The following COL1A2 variants were observed in gnomAD, a reference collection of about 807,000 sequenced individuals.
COL1A2 encodes the protein collagen type I alpha 2 chain.
Under a neutral mutation model 174.3 loss-of-function variants are expected in COL1A2, and 49 were observed. The observed-to-expected ratio is 0.28, with a 90% confidence interval of 0.22 to 0.36. The LOEUF is 0.36. COL1A2 is among the 10% of genes least tolerant of loss of function. The pLI is 1.00. For missense variants in COL1A2, 1,438 were observed against 1,822.7 expected, an observed-to-expected ratio of 0.79 and a Z score of 3.84; for synonymous variants, 655 against 606.6, an observed-to-expected ratio of 1.08 and a Z score of -1.17.
At chr7:94,406,214 A>G in intron 11 of COL1A2, 36 bp from the exon 12 acceptor site, 2 of 1,606,526 alleles carry the variant, frequency 1.2e-6, no homozygotes, top group Non-Finnish European at 1.7e-6. Context: ...AAACACTATC[A>G]TGGAACAGCA....
At chr7:94,407,087 C>T (rs1203978111) in intron 12 of COL1A2, among the ~76,000 whole-genome samples, 8 of 152,128 alleles carry the variant, frequency 5.3e-5, no homozygotes, top group East Asian at 1.9e-4. Flanking sequence ...GAGACCCCCT[C>T]ATTTTGCAGA....
intron 12 of COL1A2, among the ~76,000 whole-genome samples, chr7:94,406,596 G>C (rs1375777937): frequency 6.6e-6 from 1 of 151,940 alleles, no homozygotes; most frequent in Non-Finnish European, 1.5e-5. Context: ...TATCTCTGCA[G>C]CCAAAATAAA....
Position 94,398,415 on chromosome 7 carries a change from TC to T in COL1A2, c.96+21del. ...AAGAAAGGTAAGAGTACACTACTTC[TC>T]CATAAATATCTAAAATTATCAGGGA... On this transcript the variant is annotated intron_variant, in intron 3 of 51. Transcript: ENST00000297268. 1.1e-6 allele frequency: 1 copy of T among 916,226 alleles called. No homozygotes were observed. The highest frequency in any genetic ancestry group is 1.7e-5 in the South Asian group (1 of 58,846). The allele number at this position is 916,226 out of a possible 1,614,324, so 56.8% of individuals were successfully genotyped here. A position where few individuals can be genotyped will look rare whatever the true frequency, so the allele number is the denominator to read the frequency against.
At chr7:94,407,009 G>A (rs1791815120) in intron 12 of COL1A2, among the ~76,000 whole-genome samples, 2 of 152,092 alleles carry the variant, frequency 1.3e-5, no homozygotes, top group African/African-American at 4.8e-5. Flanking sequence ...ATTCTCCCAA[G>A]AGCCCGATAT....
In COL1A2 at chr7:94,426,166, T is replaced by G. The variant is rs921535867; in HGVS notation, c.2997+115T>G. 3 of 1,051,388 alleles carry G rather than the reference T, an allele frequency of 2.9e-6. No individual in the cohort carries two copies. In the African/African-American group the frequency reaches 4.7e-5, roughly 17 times the overall value. 65.1% of individuals were successfully genotyped at this position (1,051,388 alleles called of 1,614,324 possible). ...CTAGACTTAATATTTTTTAAAAATT[T>G]CAGTCCATGCTGAGAATTGATACAA... On this transcript the variant is annotated intron_variant, in intron 45 of 51. Coordinates refer to ENST00000297268, the MANE Select transcript of COL1A2 (RefSeq NM_000089.4).
In COL1A2 at chr7:94,416,414, G is replaced by T. The variant is rs72658141; in HGVS notation, c.1774G>T (p.Gly592Cys). Residue 592 changes from glycine to cysteine, a missense_variant, in exon 31 of 52, where the codon GGT (glycine) becomes TGT (cysteine). This residue lies in a region of COL1A2 where 867 missense variants were observed against 1,213.7 expected (regional missense o/e 0.71). Transcript: ENST00000297268. ...TAATCACTTTTTTCAGGGGGAACGC[G>T]GTCCCCCAGGTGAGAGTGGTGCTGC... is the stretch of plus-strand genomic sequence containing the variant. ...PGPAGPRGER[G>C]PPGESGAAGP... 1.3e-6 allele frequency: 2 copies of T among 1,575,680 alleles called. No individual in the cohort carries two copies. The highest frequency in any genetic ancestry group is 1.8e-5 in the Admixed American group (1 of 55,098).
intron 6 of COL1A2, among the ~76,000 whole-genome samples, chr7:94,404,221 A>G (rs1301443762): frequency 6.6e-6 from 1 of 152,234 alleles, no homozygotes; most frequent in East Asian, 1.9e-4. Flanking sequence ...CATCTGCTGT[A>G]TAGAAGACAA....
chr7:94,405,183 A>G lies in COL1A2; in HGVS notation c.433-16A>G, dbSNP rs964597288. The G allele has an allele frequency of 3.1e-6, 5 of 1,613,604 alleles. No individual in the cohort carries two copies. Among genetic ancestry groups the G allele is most frequent in the Admixed American group, 3.3e-5 (2 of 59,964 alleles). ...TTACCAAGAAGAAGTTGACTCTACA[A>G]TGTTTTCATGTTTAGGGTCACCCTG... On this transcript the variant is annotated splice_polypyrimidine_tract_variant and intron_variant, in intron 9 of 51. Coordinates refer to ENST00000297268, the MANE Select transcript of COL1A2 (RefSeq NM_000089.4).
chr7:94,408,790 C>A lies in COL1A2; in HGVS notation c.759C>A (p.Gly253=). Residue 253 remains glycine (G), a synonymous_variant, in exon 16 of 52, where the codon GGC becomes GGA. Transcript: ENST00000297268. ...VGPAGPIGSA[G]PPGFPGAPGP... is the part of the protein sequence containing the mutation. Reference sequence around the variant, plus strand: ...TTCAGGGTCCCATTGGGTCTGCTGGCCCTCCAGGCTTCCCAGGTGCCCCTG... The same window carrying A: ...TTCAGGGTCCCATTGGGTCTGCTGGACCTCCAGGCTTCCCAGGTGCCCCTG... 6.2e-7 allele frequency: 1 copy of A among 1,613,264 alleles called. No individual in the cohort carries two copies. Among genetic ancestry groups the A allele is most frequent in the Non-Finnish European group, 8.5e-7 (1 of 1,179,660 alleles).
At chr7:94,406,919 A>G (rs917750198) in intron 12 of COL1A2, among the ~76,000 whole-genome samples, 1 of 152,236 alleles carries the variant, frequency 6.6e-6, no homozygotes, top group African/African-American at 2.4e-5. Flanking sequence ...AACGAATACT[A>G]GCGGGACCAG....
intron 4 of COL1A2, among the ~76,000 whole-genome samples, chr7:94,399,609 T>C (rs974850241): frequency 6.6e-6 from 1 of 152,232 alleles, no homozygotes; most frequent in African/African-American, 2.4e-5. Context: ...CTTTTGCCAA[T>C]ATATGAATAC....
Position 94,413,126 on chromosome 7 carries a change from C to G in COL1A2, c.1547C>G (p.Ala516Gly). 6.2e-7 allele frequency: 1 copy of G among 1,614,146 alleles called. No individual in the cohort carries two copies. ...KNGDKGHAGLAGARGAPGPDG... is the reference protein window; with the variant it reads ...KNGDKGHAGLGGARGAPGPDG... ...GGTGATAAAGGTCATGCTGGTCTTG[C>G]TGGTGCTCGGGTAGGTGCTAACTTG... The change falls in exon 26 of 52, where the codon GCT (alanine) becomes GGT (glycine). Residue 516 changes from alanine to glycine, a missense_variant. Transcript: ENST00000297268.
At position 94,412,053 on chromosome 7, in the gene COL1A2, TC is replaced by T. The variant is rs1175142147; in HGVS notation, c.1351-14del. 6.2e-7 allele frequency: 1 copy of T among 1,605,978 alleles called. No homozygotes were observed. Among genetic ancestry groups the T allele is most frequent in the Non-Finnish European group, 8.5e-7 (1 of 1,174,294 alleles). On this transcript the variant is annotated splice_polypyrimidine_tract_variant and intron_variant, in intron 23 of 51. Transcript: ENST00000297268. ...TTAAAGTGCCAATATAAAAACATCC[TC>T]ATTTATTTTATAGGGTCTTCCTGGT...
At chr7:94,397,168 A>G (rs1791600635) in intron 1 of COL1A2, among the ~76,000 whole-genome samples, 1 of 152,194 alleles carries the variant, frequency 6.6e-6, no homozygotes, top group Admixed American at 6.5e-5. Context: ...ATAGTTAATA[A>G]TGTGCAAATT....
rs1369981302 is a variant in COL1A2, at chr7:94,404,903, A to T, written c.432+11A>T. ...AAGGCTGGTGAAGATGTAAGTATTTACTCTTAAGCACTTTCAAAATGCTAT... is the reference window on the plus strand; with the variant it reads ...AAGGCTGGTGAAGATGTAAGTATTTTCTCTTAAGCACTTTCAAAATGCTAT... On this transcript the variant is annotated intron_variant, in intron 9 of 51. Coordinates refer to ENST00000297268, the MANE Select transcript of COL1A2 (RefSeq NM_000089.4). 2.5e-6 allele frequency: 4 copies of T among 1,613,456 alleles called. No homozygotes were observed. The highest frequency in any genetic ancestry group is 4.5e-5 in the East Asian group (2 of 44,888).
At chr7:94,405,821 T>C in intron 11 of COL1A2, 95 bp downstream of exon 11, 1 of 1,007,122 alleles carries the variant, frequency 9.9e-7, no homozygotes, top group South Asian at 1.3e-5. Context: ...TATACTCACT[T>C]TCAAATCCCT....
rs1300787252 is a variant in COL1A2 at position 94,424,395 on chromosome 7, C to G, written c.2625C>G (p.Leu875=). ...TTGGTGCTCCTGGTATTCTGGGTCT[C>G]CCTGGCTCGAGAGGTGAACGTGGTC... ...GLLGAPGILG[L]PGSRGERGLP... Residue 875 remains leucine (L), a synonymous_variant, in exon 41 of 52, where the codon CTC becomes CTG. Coordinates refer to ENST00000297268, the MANE Select transcript of COL1A2 (RefSeq NM_000089.4). The G allele has an allele frequency of 1.9e-6, 3 of 1,614,084 alleles. No homozygotes were observed. Among genetic ancestry groups the G allele is most frequent in the Non-Finnish European group, 1.7e-6 (2 of 1,179,992 alleles).
chr7:94,424,629 A>G (rs41317728), intron 41 of COL1A2, 186 bp downstream of exon 41: 19 of 595,176 alleles, frequency 3.2e-5, no homozygotes, highest in East Asian at 2.3e-4. Context: ...GACACACACT[A>G]TAAAGACACA....
Position 94,423,040 on chromosome 7 carries a change from C to T in COL1A2, c.2487C>T (p.Gly829=). ...RGPRGDQGPV[G]RTGEVGAVGP... Reference sequence around the variant, plus strand: ...CTCGTGGTGACCAAGGTCCAGTTGGCCGAACTGGAGAAGTAGGTGCAGTTG... The same window carrying T: ...CTCGTGGTGACCAAGGTCCAGTTGGTCGAACTGGAGAAGTAGGTGCAGTTG... The change falls in exon 40 of 52, where the codon GGC becomes GGT. Residue 829 remains glycine, a synonymous_variant. Coordinates refer to ENST00000297268, the MANE Select transcript of COL1A2 (RefSeq NM_000089.4). The T allele has an allele frequency of 6.2e-7, 1 of 1,614,080 alleles. No homozygotes were observed. Among genetic ancestry groups the T allele is most frequent in the Non-Finnish European group, 8.5e-7 (1 of 1,179,980 alleles).
Sources: allele counts gnomAD v4.1 joint callset (sites outside exome capture counted in the v4.1 genomes callset), GRCh38; gene constraint gnomAD v4.1.1; regional missense constraint gnomAD v4.1.1; transcripts MANE v1.5; gene names NCBI Gene and HGNC (gene_info 2026-07-23, HGNC 2026-07-21).